Variants in ARHGAP25 observed in about 807,000 individuals in gnomAD.
ARHGAP25 encodes the protein Rho GTPase activating protein 25, also known as rho GTPase-activating protein 25.
Under a neutral mutation model 71.0 loss-of-function variants are expected in ARHGAP25, and 34 were observed. The observed-to-expected ratio is 0.48, with a 90% CI of 0.36 to 0.64. ARHGAP25 has a LOEUF of 0.64. Among genes scored for constraint, ARHGAP25 ranks in the 30% least tolerant of loss-of-function variants. The pLI is 0.00. For synonymous variants in ARHGAP25, 282 were observed against 296.5 expected, an observed-to-expected ratio of 0.95 and a Z score of 0.50; for missense variants, 706 against 805.1, an observed-to-expected ratio of 0.88 and a Z score of 1.49.
upstream of ARHGAP25, among the ~76,000 whole-genome samples, chr2:68,734,051 A>C (rs558838906): frequency 6.6e-6 from 1 of 152,234 alleles, no homozygotes; most frequent in East Asian, 1.9e-4. Context: ...AGGCTGACCC[A>C]GTTAAACATG....
intron 1 of ARHGAP25, among the ~76,000 whole-genome samples, chr2:68,752,954 G>A (rs867046523): frequency 6.6e-6 from 1 of 151,992 alleles, no homozygotes; most frequent in Non-Finnish European, 1.5e-5. Flanking sequence ...CTTTATTGTT[G>A]GGGGCCATCC....
intron 2 of ARHGAP25, among the ~76,000 whole-genome samples, chr2:68,778,065 A>G (rs1029502360): frequency 2.6e-5 from 4 of 152,164 alleles, no homozygotes; most frequent in Admixed American, 2.6e-4. Context: ...ATGTTCCATA[A>G]TTTATTTAAT....
In ARHGAP25 at chr2:68,734,928, G is replaced by T. The variant is rs1489825657; in HGVS notation, c.-272G>T. 1 of 479,400 alleles carries T rather than the reference G, an allele frequency of 2.1e-6. No homozygotes were observed. The highest frequency in any genetic ancestry group is 3.7e-6 in the Non-Finnish European group (1 of 269,816). The allele number at this position is 479,400 out of a possible 1,614,324, so 29.7% of individuals were successfully genotyped here. Reference sequence around the variant, plus strand: ...ATATTTCTGGTAAAACTGAAAGCAAGAAAAGCAGGGTGCTAGCCCCTGTGG... The same window carrying T: ...ATATTTCTGGTAAAACTGAAAGCAATAAAAGCAGGGTGCTAGCCCCTGTGG... On this transcript the variant is annotated 5_prime_UTR_variant, in exon 1 of 11. Coordinates refer to ENST00000409202, the MANE Select transcript of ARHGAP25 (RefSeq NM_001007231.3).
chr2:68,739,383 C>T (rs1316655449), intron 1 of ARHGAP25, among the ~76,000 whole-genome samples: 2 of 152,196 alleles, frequency 1.3e-5, no homozygotes, highest in Non-Finnish European at 2.9e-5. Context: ...CCCTGTCTCT[C>T]ACCTCACAGT....
intron 1 of ARHGAP25, 150 bp downstream of exon 1, chr2:68,735,410 C>G (rs924524985): frequency 1.3e-6 from 1 of 791,028 alleles, no homozygotes; most frequent in Non-Finnish European, 2.1e-6. Flanking sequence ...AGTTGGCATG[C>G]CAGGTCCAAG....
At chr2:68,782,163 G>C in intron 2 of ARHGAP25, 70 bp from the exon 3 acceptor site, 1 of 1,366,512 alleles carries the variant, frequency 7.3e-7, no homozygotes, top group Non-Finnish European at 1.0e-6. Context: ...TATCCTATCT[G>C]TTGTCCAACC....
chr2:68,743,329 A>ACAGGTGGGTTACAGCATTGC, intron 1 of ARHGAP25, among the ~76,000 whole-genome samples: 1 of 152,064 alleles, frequency 6.6e-6, no homozygotes, highest in East Asian at 1.9e-4. Context: ...GATCACTTAC[A>ACAGGTGGGTTACAGCATTGC]TGTGGGTTAC....
intron 2 of ARHGAP25, among the ~76,000 whole-genome samples, chr2:68,728,973 C>T (rs1481107521): frequency 6.6e-6 from 1 of 152,040 alleles, no homozygotes; most frequent in Non-Finnish European, 1.5e-5. Flanking sequence ...TCAAAACATG[C>T]AAAGGGAAAG....
At chr2:68,715,659 A>T (rs549539371) in intron 2 of ARHGAP25, among the ~76,000 whole-genome samples, 2 of 152,326 alleles carry the variant, frequency 1.3e-5, no homozygotes, top group East Asian at 3.9e-4. Flanking sequence ...CCGAGGGAAG[A>T]ACCTGGATGC....
At chr2:68,808,559 C>G (rs367753663) in intron 5 of ARHGAP25, among the ~76,000 whole-genome samples, 2 of 152,264 alleles carry the variant, frequency 1.3e-5, no homozygotes, top group Middle Eastern at 3.4e-3. Context: ...CCCATGGGTG[C>G]TATATTTTAG....
intron 1 of ARHGAP25, among the ~76,000 whole-genome samples, chr2:68,752,009 A>C (rs2280246): frequency 0.25 from 37,912 of 152,114 alleles, 5,095 homozygotes; most frequent in Non-Finnish European, 0.31. Context: ...CATCCATTTC[A>C]TTAGCTTCAA....
At chr2:68,790,427 A>G (rs940422508) in intron 4 of ARHGAP25, among the ~76,000 whole-genome samples, 2 of 152,214 alleles carry the variant, frequency 1.3e-5, no homozygotes, top group Non-Finnish European at 2.9e-5. Context: ...TGTTGGCCTT[A>G]AAGGGACAAA....
At chr2:68,784,735 G>A (rs940637102) in intron 3 of ARHGAP25, among the ~76,000 whole-genome samples, 1 of 152,190 alleles carries the variant, frequency 6.6e-6, no homozygotes, top group South Asian at 2.1e-4. Flanking sequence ...AAGTACTATT[G>A]CAGGACTGGG....
chr2:68,800,246 G>T (rs1271162241), intron 4 of ARHGAP25, among the ~76,000 whole-genome samples: 2 of 152,024 alleles, frequency 1.3e-5, no homozygotes, highest in Non-Finnish European at 2.9e-5. Flanking sequence ...GGCAGGGTGG[G>T]GAGGGGCTCT....
At chr2:68,811,792 G>T (rs1172983570) in intron 5 of ARHGAP25, among the ~76,000 whole-genome samples, 4 of 152,106 alleles carry the variant, frequency 2.6e-5, no homozygotes, top group African/African-American at 7.2e-5. Flanking sequence ...CTCTTGTCCA[G>T]ATCCACCCCT....
chr2:68,726,250 A>G (rs1674881232), intron 2 of ARHGAP25, among the ~76,000 whole-genome samples: 1 of 152,200 alleles, frequency 6.6e-6, no homozygotes, highest in Non-Finnish European at 1.5e-5. Context: ...TGTTGAATGA[A>G]TGAGTGGCAG....
chr2:68,796,792 T>C (rs1254481662), intron 4 of ARHGAP25, among the ~76,000 whole-genome samples: 1 of 152,106 alleles, frequency 6.6e-6, no homozygotes, highest in Non-Finnish European at 1.5e-5. Flanking sequence ...TGGGGGGCTT[T>C]TTTGGATGCT....
chr2:68,714,524 G>A (rs1196032810), intron 2 of ARHGAP25, among the ~76,000 whole-genome samples: 1 of 152,132 alleles, frequency 6.6e-6, no homozygotes, highest in African/African-American at 2.4e-5. Flanking sequence ...TCTTCTGCTA[G>A]CTTTTGAATG....
At chr2:68,774,285 G>A (rs968756004) in intron 1 of ARHGAP25, among the ~76,000 whole-genome samples, 1 of 152,170 alleles carries the variant, frequency 6.6e-6, no homozygotes, top group Non-Finnish European at 1.5e-5. Context: ...CAGGGTGATC[G>A]ATGGAGCGCT....
Sources: gnomAD v4.1 joint callset for allele counts (sites outside exome capture counted in the v4.1 genomes callset) on GRCh38, gnomAD v4.1.1 for gene constraint, MANE v1.5 for transcripts, NCBI Gene and HGNC (gene_info 2026-07-23, HGNC 2026-07-21) for gene names.